The following CDH12 variants were observed in gnomAD, a reference collection of about 807,000 sequenced individuals.
CDH12 encodes cadherin-12.
Under a neutral mutation model 74.1 loss-of-function variants are expected in CDH12, and 41 were observed. The ratio of observed to expected loss-of-function variants is 0.55; its 90% confidence interval spans 0.43 to 0.72. The LOEUF is 0.72. Among genes scored for constraint, CDH12 ranks in the 30% least tolerant of loss-of-function variants. CDH12 has a pLI of 0.00. For missense variants in CDH12, 945 were observed against 977.2 expected (o/e 0.97, Z 0.44); for synonymous variants, 399 against 355.0 (o/e 1.12, Z -1.39).
intron 1 of CDH12, among the ~76,000 whole-genome samples, chr5:22,607,875 G>A (rs550827571): frequency 7.2e-5 from 11 of 152,332 alleles, no homozygotes; most frequent in Middle Eastern, 3.4e-3. Flanking sequence ...AGGGTGCATA[G>A]AAGTCAAGAA....
intron 6 of CDH12, among the ~76,000 whole-genome samples, 163 bp from the exon 7 acceptor site, chr5:21,854,953 T>C (rs538214978): frequency 6.6e-6 from 1 of 151,922 alleles, no homozygotes; most frequent in South Asian, 2.1e-4. Context: ...AACCAAAATG[T>C]TGAGCAATGA....
chr5:22,269,807 G>T (rs1736301110), intron 3 of CDH12, among the ~76,000 whole-genome samples: 1 of 152,100 alleles, frequency 6.6e-6, no homozygotes, highest in South Asian at 2.1e-4. Flanking sequence ...TACCGAATAT[G>T]TTCCATGAAA....
At chr5:21,828,623 T>A (rs771587579) in intron 8 of CDH12, among the ~76,000 whole-genome samples, 5 of 152,228 alleles carry the variant, frequency 3.3e-5, no homozygotes, top group Non-Finnish European at 5.9e-5. Flanking sequence ...CAAATTTGAT[T>A]TGTAAATATT....
chr5:22,701,611 T>G (rs1436030958), intron 1 of CDH12, among the ~76,000 whole-genome samples: 1 of 152,066 alleles, frequency 6.6e-6, no homozygotes, highest in African/African-American at 2.4e-5. Context: ...ATCCCCAATA[T>G]CTTTCATGTC....
chr5:22,522,296 T>C (rs1307754167), intron 1 of CDH12, among the ~76,000 whole-genome samples: 1 of 152,202 alleles, frequency 6.6e-6, no homozygotes, highest in Non-Finnish European at 1.5e-5. Context: ...ACATATAAAC[T>C]GACCAAGTTT....
intron 9 of CDH12, among the ~76,000 whole-genome samples, chr5:21,813,118 G>A (rs889232707): frequency 2.0e-5 from 3 of 152,050 alleles, no homozygotes; most frequent in African/African-American, 7.2e-5. Flanking sequence ...TCTCTTAACT[G>A]AGCTATTGCT....
intron 1 of CDH12, among the ~76,000 whole-genome samples, chr5:22,518,528 A>C (rs928215123): frequency 2.6e-5 from 4 of 152,224 alleles, no homozygotes; most frequent in Non-Finnish European, 1.5e-5. Flanking sequence ...AAGTTAGATC[A>C]AAAAATGAGA....
intron 10 of CDH12, among the ~76,000 whole-genome samples, chr5:21,796,147 C>A (rs542475808): frequency 6.6e-6 from 1 of 151,980 alleles, no homozygotes; most frequent in Admixed American, 6.6e-5. Flanking sequence ...TACAGATGCC[C>A]CTTGACTTAC....
At chr5:21,822,373 C>A (rs747178514) in intron 8 of CDH12, among the ~76,000 whole-genome samples, 71 of 151,698 alleles carry the variant, frequency 4.7e-4, no homozygotes, top group Non-Finnish European at 1.8e-4. Context: ...TCTAAAAAGT[C>A]GTTTTAATTT....
intron 5 of CDH12, among the ~76,000 whole-genome samples, chr5:21,997,329 C>G (rs1181845103): frequency 6.6e-6 from 1 of 151,986 alleles, no homozygotes; most frequent in Non-Finnish European, 1.5e-5. Flanking sequence ...TTTAAAGGGC[C>G]CAAAGTTGTG....
In CDH12 at chr5:21,783,369, G is replaced by A. The variant is rs1465712081; in HGVS notation, c.1382C>T (p.Ala461Val). 10 of 1,612,340 alleles carry A rather than the reference G, an allele frequency of 6.2e-6. No individual in the cohort carries two copies. The highest frequency in any genetic ancestry group is 2.7e-5 in the African/African-American group (2 of 74,812). ...CATGCCATACTTACTAACTTTACTCGCAATTATGGAGAAATTATACTGCGC... is the reference window on the plus strand; with the variant it reads ...CATGCCATACTTACTAACTTTACTCACAATTATGGAGAAATTATACTGCGC... ...STAQYNFSIIASKVSNPLLTS... is the reference protein window; with the variant it reads ...STAQYNFSIIVSKVSNPLLTS... Residue 461 changes from alanine to valine, a missense_variant, in exon 11 of 15, where the codon GCG (alanine) becomes GTG (valine). Physicochemically the swap from Ala to Val is moderately conservative, Grantham distance 64. Transcript: ENST00000382254.
rs1019105595 is a variant in CDH12 at position 22,637,226 on chromosome 5, T to C, written c.-522-131862A>G. ...TTTCAGCAATATTAAAATCGCACAA[T>C]GTAAGGCTACAATTATTCCAAAAGA... On this transcript the variant is annotated intron_variant, in intron 1 of 14. Transcript: ENST00000382254. Among the ~76,000 whole-genome samples, 5 of 152,346 alleles carry C rather than the reference T, an allele frequency of 3.3e-5. No individual in the cohort carries two copies. In the South Asian group the frequency reaches 8.3e-4, roughly 25 times the overall value.
intron 1 of CDH12, among the ~76,000 whole-genome samples, chr5:22,655,574 C>G (rs1212426633): frequency 3.3e-5 from 5 of 152,196 alleles, no homozygotes; most frequent in Admixed American, 2.0e-4. Context: ...GAAGGACCTA[C>G]AATTTTAAAT....
At chr5:22,231,756 A>G (rs1752392928) in intron 3 of CDH12, among the ~76,000 whole-genome samples, 1 of 152,020 alleles carries the variant, frequency 6.6e-6, no homozygotes. Context: ...AAGCTTTACC[A>G]TATATGAAAA....
chr5:21,910,238 T>A (rs1045217458), intron 6 of CDH12, among the ~76,000 whole-genome samples: 3 of 152,030 alleles, frequency 2.0e-5, no homozygotes, highest in African/African-American at 4.8e-5. Context: ...TCAAATTGCC[T>A]TAAGGGGAAA....
At chr5:21,918,718 T>C (rs1754220018) in intron 6 of CDH12, among the ~76,000 whole-genome samples, 1 of 152,102 alleles carries the variant, frequency 6.6e-6, no homozygotes, top group Non-Finnish European at 1.5e-5. Context: ...TGACACATGG[T>C]GATTATGGAG....
intron 3 of CDH12, among the ~76,000 whole-genome samples, chr5:22,287,899 G>A (rs922636098): frequency 2.0e-5 from 3 of 152,100 alleles, no homozygotes; most frequent in Admixed American, 1.3e-4. Flanking sequence ...AGAGAAGGGT[G>A]TCCATTTCCT....
chr5:22,350,470 A>C (rs527418816), intron 3 of CDH12, among the ~76,000 whole-genome samples: 1 of 152,204 alleles, frequency 6.6e-6, no homozygotes, highest in South Asian at 2.1e-4. Flanking sequence ...AGTAAGTGTT[A>C]CTCTTTTTTA....
At chr5:22,141,844 A>T (rs1292774934) in intron 4 of CDH12, among the ~76,000 whole-genome samples, 1 of 152,218 alleles carries the variant, frequency 6.6e-6, no homozygotes, top group Non-Finnish European at 1.5e-5. Context: ...CTAATCATTA[A>T]GTTTCTCACA....
Sources: gnomAD v4.1 joint callset for allele counts (sites outside exome capture counted in the v4.1 genomes callset) on GRCh38, gnomAD v4.1.1 for gene constraint, MANE v1.5 for transcripts, NCBI Gene and HGNC (gene_info 2026-07-23, HGNC 2026-07-21) for gene names.